CTNNA3: variants seen among roughly 807,000 people sequenced by gnomAD.
CTNNA3 encodes catenin alpha 3.
In CTNNA3, 76 loss-of-function variants were observed where a neutral mutation model predicts 95.7. The ratio of observed to expected loss-of-function variants is 0.79; its 90% CI spans 0.66 to 0.96. The LOEUF is 0.96. Among genes scored for constraint, CTNNA3 ranks in the 40% least tolerant of loss-of-function variants. The probability of loss-of-function intolerance (pLI) is 0.00; values close to 1 mark genes in which losing one functional copy is unlikely to be tolerated. For synonymous variants in CTNNA3, 431 were observed against 374.4 expected (o/e 1.15, Z -1.74); for missense variants, 1,191 against 1,089.8 (o/e 1.09, Z -1.31).
intron 13 of CTNNA3, among the ~76,000 whole-genome samples, chr10:66,145,519 TG>T (rs1478837189): frequency 6.6e-6 from 1 of 152,042 alleles, no homozygotes; most frequent in East Asian, 1.9e-4. Context: ...ATAGAGAAAG[TG>T]GGGAAGGGTT....
At chr10:66,203,325 T>C (rs575834269) in intron 13 of CTNNA3, among the ~76,000 whole-genome samples, 3 of 152,262 alleles carry the variant, frequency 2.0e-5, no homozygotes, top group African/African-American at 7.2e-5. Flanking sequence ...AGATTGTAAG[T>C]ATAAACTAAC....
chr10:67,695,724 A>G (rs1840951425), intron 1 of CTNNA3, among the ~76,000 whole-genome samples: 1 of 152,140 alleles, frequency 6.6e-6, no homozygotes, highest in South Asian at 2.1e-4. Flanking sequence ...TCGGCTTTTT[A>G]TAGCCAGAAA....
intron 5 of CTNNA3, among the ~76,000 whole-genome samples, chr10:67,490,978 G>A (rs1044195747): frequency 6.6e-6 from 1 of 152,058 alleles, no homozygotes; most frequent in Admixed American, 6.6e-5. Context: ...CAGGGATCTT[G>A]TAAACCATCC....
chr10:66,928,542 GC>G, intron 7 of CTNNA3: 6 of 1,220,612 alleles, frequency 4.9e-6, no homozygotes, highest in South Asian at 1.6e-5. Context: ...GGAACGCGAT[GC>G]CCCCCCTCCC....
At chr10:66,396,738 C>T (rs1948945) in intron 11 of CTNNA3, among the ~76,000 whole-genome samples, 98,071 of 151,634 alleles carry the variant, frequency 0.65, 33,346 homozygotes, top group East Asian at 0.88. Flanking sequence ...CCCCAAATTA[C>T]CATCCTCAAA....
At chr10:67,093,011 A>G (rs1180083423) in intron 7 of CTNNA3, among the ~76,000 whole-genome samples, 2 of 152,044 alleles carry the variant, frequency 1.3e-5, no homozygotes, top group South Asian at 4.1e-4. Flanking sequence ...GAATCTCCAC[A>G]ATTCATAGCC....
At chr10:65,924,883 AGT>A (rs1159958857) in intron 17 of CTNNA3, among the ~76,000 whole-genome samples, 1 of 152,196 alleles carries the variant, frequency 6.6e-6, no homozygotes, top group African/African-American at 2.4e-5. Context: ...CAGGCAAGAG[AGT>A]GTGTGCAGAG....
intron 9 of CTNNA3, among the ~76,000 whole-genome samples, chr10:66,659,852 A>G (rs1300786766): frequency 6.6e-6 from 1 of 152,216 alleles, no homozygotes; most frequent in Non-Finnish European, 1.5e-5. Context: ...TCCGCTGTTT[A>G]TAAGCTACCC....
At position 67,486,945 on chromosome 10, in the gene CTNNA3, A is replaced by G. The variant is rs117271310; in HGVS notation, c.579+34897T>C. Among the ~76,000 whole-genome samples the G allele has an allele frequency of 7.6e-3, 1,162 of 152,246 alleles. 7 individuals are homozygous for G. Among genetic ancestry groups the G allele is most frequent in the Non-Finnish European group, 0.011 (780 of 68,022 alleles). The stretch of plus-strand genomic sequence containing the variant: ...GTCTCCAATCTTATTTTAGTTGTAG[A>G]AAAAAATACAAATCTCCAGTAATAT... On this transcript the variant is annotated intron_variant, in intron 5 of 17. Coordinates refer to ENST00000433211, the MANE Select transcript of CTNNA3 (RefSeq NM_013266.4).
chr10:67,576,718 C>A (rs1352746528), intron 3 of CTNNA3, among the ~76,000 whole-genome samples: 34 of 103,104 alleles, frequency 3.3e-4, no homozygotes, highest in Non-Finnish European at 4.9e-4. Context: ...CCCCACCCCA[C>A]AACAGTCCCC....
At chr10:67,439,875 T>C (rs1846434870) in intron 5 of CTNNA3, among the ~76,000 whole-genome samples, 1 of 152,172 alleles carries the variant, frequency 6.6e-6, no homozygotes, top group South Asian at 2.1e-4. Flanking sequence ...CTCTGAGACA[T>C]GCTGGCTTTA....
At chr10:66,154,971 A>T (rs2084415046) in intron 13 of CTNNA3, among the ~76,000 whole-genome samples, 1 of 151,464 alleles carries the variant, frequency 6.6e-6, no homozygotes, top group Admixed American at 6.6e-5. Flanking sequence ...GGGCTTTGTG[A>T]GGCATACAAT....
rs1246762798 is a variant in CTNNA3, at chr10:66,537,397, A to G, written c.1375-16624T>C. On this transcript the variant is annotated intron_variant, in intron 10 of 17. Coordinates refer to ENST00000433211, the MANE Select transcript of CTNNA3 (RefSeq NM_013266.4). ...TGGGTGATTACACAGAACCCAGTCC[A>G]TGAGGTGACTTCATTCATTAACCTT... Among the ~76,000 whole-genome samples the G allele has an allele frequency of 2.6e-5, 4 of 152,266 alleles. No homozygotes were observed. In the East Asian group the frequency reaches 7.7e-4, roughly 29 times the overall value.
chr10:67,530,861 G>C (rs1309238604), intron 4 of CTNNA3, among the ~76,000 whole-genome samples: 1 of 152,194 alleles, frequency 6.6e-6, no homozygotes, highest in Non-Finnish European at 1.5e-5. Flanking sequence ...CCCATGCTGT[G>C]TGCAGCCTAG....
At chr10:67,637,148 C>A (rs1839345764) in intron 2 of CTNNA3, among the ~76,000 whole-genome samples, 1 of 151,996 alleles carries the variant, frequency 6.6e-6, no homozygotes, top group Non-Finnish European at 1.5e-5. Context: ...ACTAGAATAC[C>A]CAACGCAGAG....
intron 7 of CTNNA3, among the ~76,000 whole-genome samples, chr10:67,009,546 T>A (rs1852197357): frequency 6.6e-6 from 1 of 152,138 alleles, no homozygotes; most frequent in Admixed American, 6.6e-5. Context: ...TTTGTTTGCT[T>A]GTCCGTATCA....
chr10:67,177,002 G>C (rs545877698), intron 7 of CTNNA3: 1 of 487,718 alleles, frequency 2.1e-6, no homozygotes, highest in Non-Finnish European at 4.1e-6. Flanking sequence ...ACAGAAATTT[G>C]TGTGGTTTAA....
intron 7 of CTNNA3, among the ~76,000 whole-genome samples, chr10:66,782,995 T>C (rs1010863402): frequency 6.6e-6 from 1 of 152,070 alleles, no homozygotes; most frequent in African/African-American, 2.4e-5. Context: ...TTAGCATGCA[T>C]AAAAGGAGGC....
chr10:66,578,708 A>T (rs570498517), intron 10 of CTNNA3, among the ~76,000 whole-genome samples: 1 of 151,622 alleles, frequency 6.6e-6, no homozygotes, highest in Non-Finnish European at 1.5e-5. Context: ...GTGCTGTTAG[A>T]TTCAGTTTAC....
Sources: gnomAD v4.1 joint callset for allele counts (sites outside exome capture counted in the v4.1 genomes callset) on GRCh38, gnomAD v4.1.1 for gene constraint, MANE v1.5 for transcripts, NCBI Gene and HGNC (gene_info 2026-07-23, HGNC 2026-07-21) for gene names.